Variants in CD46 observed in about 807,000 individuals in gnomAD.
The protein encoded by CD46 is membrane cofactor protein.
In CD46, 30 loss-of-function variants were observed where a neutral mutation model predicts 53.3. The ratio of observed to expected loss-of-function variants is 0.56; its 90% CI spans 0.42 to 0.76. CD46 has a LOEUF of 0.76. Among genes scored for constraint, CD46 ranks in the 30% least tolerant of loss-of-function variants. The pLI is 0.00. For missense variants in CD46, 409 were observed against 463.0 expected (o/e 0.88, Z 1.07); for synonymous variants, 142 against 152.0 (o/e 0.93, Z 0.48).
rs1311961055 is a variant in CD46, at chr1:207,793,574, G to T, written c.*97G>T. ...TTACCAGACTAAATCAACCACTCCA[G>T]CAGAGCAGAGAGGCTGAATAGATTC... On this transcript the variant is annotated 3_prime_UTR_variant, in exon 13 of 13. Transcript: ENST00000367042. 4.3e-6 allele frequency: 7 copies of T among 1,613,780 alleles called. No individual in the cohort carries two copies. Among genetic ancestry groups the T allele is most frequent in the Non-Finnish European group, 5.9e-6 (7 of 1,179,810 alleles).
intron 5 of CD46, among the ~76,000 whole-genome samples, chr1:207,764,166 C>T (rs1656578323): frequency 6.6e-6 from 1 of 152,150 alleles, no homozygotes; most frequent in South Asian, 2.1e-4. Flanking sequence ...GGGAGGCTTC[C>T]TGTCAGGTTC....
Position 207,757,633 on chromosome 1 carries a change from G to T in CD46, c.380G>T (p.Cys127Phe). Residue 127 changes from cysteine (C) to phenylalanine (F), a missense_variant, in exon 3 of 13, where the codon TGT becomes TTT. By Grantham distance (205) the Cys-to-Phe change is radical. Transcript: ENST00000367042. ...YEFGYQMHFICNEGYYLIGEE... is the reference protein window; with the variant it reads ...YEFGYQMHFIFNEGYYLIGEE... Reference sequence around the variant, plus strand: ...TTTGGTTATCAGATGCACTTTATTTGTAATGAGGGGTAAGTTGCTCCTTAG... The same window carrying T: ...TTTGGTTATCAGATGCACTTTATTTTTAATGAGGGGTAAGTTGCTCCTTAG... The T allele has an allele frequency of 6.3e-7, 1 of 1,592,626 alleles. No individual in the cohort carries two copies. The highest frequency in any genetic ancestry group is 8.6e-7 in the Non-Finnish European group (1 of 1,162,302).
chr1:207,791,767 T>C (rs1261093310), intron 12 of CD46, among the ~76,000 whole-genome samples: 2 of 152,202 alleles, frequency 1.3e-5, no homozygotes, highest in Non-Finnish European at 2.9e-5. Context: ...GTTTTTAGAC[T>C]CTCTCTGAGC....
intron 8 of CD46, among the ~76,000 whole-genome samples, chr1:207,778,060 G>A (rs781697551): frequency 3.9e-4 from 59 of 152,190 alleles, no homozygotes; most frequent in Non-Finnish European, 5.9e-4. Flanking sequence ...CTTTTCTTCT[G>A]TATGTTTTTT....
chr1:207,771,383 A>G (rs1456848228), intron 8 of CD46, among the ~76,000 whole-genome samples: 1 of 152,166 alleles, frequency 6.6e-6, no homozygotes, highest in Non-Finnish European at 1.5e-5. Flanking sequence ...TTTGCTGTGC[A>G]GAAGCTCTTT....
intron 8 of CD46, among the ~76,000 whole-genome samples, chr1:207,779,444 T>G (rs915884098): frequency 5.3e-5 from 8 of 152,170 alleles, no homozygotes; most frequent in Non-Finnish European, 7.4e-5. Flanking sequence ...TTTAGATTTA[T>G]TCTCATACTT....
intron 8 of CD46, among the ~76,000 whole-genome samples, chr1:207,779,319 C>T (rs1471407474): frequency 6.6e-6 from 1 of 151,960 alleles, no homozygotes; most frequent in East Asian, 1.9e-4. Flanking sequence ...CATCAACATA[C>T]TTTTATGTGT....
At chr1:207,754,710 A>G (rs1443340654) in intron 1 of CD46, among the ~76,000 whole-genome samples, 4 of 152,144 alleles carry the variant, frequency 2.6e-5, no homozygotes, top group Non-Finnish European at 4.4e-5. Context: ...GGCAGCTGAG[A>G]GCCAGAAAGG....
rs1655115348 is a variant in CD46 at position 207,753,144 on chromosome 1, C to G, written c.97+835C>G. Among the ~76,000 whole-genome samples the G allele has an allele frequency of 2.6e-5, 4 of 152,218 alleles. 1 individual carries two copies. In the South Asian group the frequency reaches 6.2e-4, roughly 24 times the overall value. On this transcript the variant is annotated intron_variant, in intron 1 of 12. Coordinates refer to ENST00000367042, the MANE Select transcript of CD46 (RefSeq NM_172351.3). ...ATATAGATAGTATCTGATTCCATTG[C>G]CTAATGGCTTTTTGACATTGTTTTC...
At chr1:207,758,638 G>A (rs527791885) in intron 3 of CD46, among the ~76,000 whole-genome samples, 2 of 152,220 alleles carry the variant, frequency 1.3e-5, no homozygotes, top group Admixed American at 6.5e-5. Context: ...ATGAGTTTTG[G>A]TAGAGACAAA....
chr1:207,767,339 T>A, intron 6 of CD46, 144 bp downstream of exon 6: 1 of 795,930 alleles, frequency 1.3e-6, no homozygotes, highest in South Asian at 1.6e-5. Flanking sequence ...TTGTATTCAT[T>A]TCTATGCCAG....
At chr1:207,784,932 G>T in intron 9 of CD46, 139 bp from the exon 10 acceptor site, 1 of 730,390 alleles carries the variant, frequency 1.4e-6, no homozygotes, top group Admixed American at 2.0e-5. Flanking sequence ...AACACGTGGG[G>T]ATTATGGGAA....
In CD46 at chr1:207,753,442, G is replaced by A. The variant is rs1185913187; in HGVS notation, c.97+1133G>A. 2.0e-5 allele frequency among the ~76,000 whole-genome samples: 3 copies of A among 152,222 alleles called. No homozygotes were observed. In the East Asian group the frequency reaches 5.8e-4, roughly 29 times the overall value. Reference sequence around the variant, plus strand: ...CCCAGCGCTTTGGGAGGCCCAGGCGGGGTGATTGCCTGTGCCCAGGAGTTC... The same window carrying A: ...CCCAGCGCTTTGGGAGGCCCAGGCGAGGTGATTGCCTGTGCCCAGGAGTTC... On this transcript the variant is annotated intron_variant, in intron 1 of 12. Transcript: ENST00000367042.
Position 207,752,229 on chromosome 1 carries a change from G to C in CD46, c.17G>C (p.Arg6Pro). 6.2e-7 allele frequency: 1 copy of C among 1,613,966 alleles called. No homozygotes were observed. Among genetic ancestry groups the C allele is most frequent in the Non-Finnish European group, 8.5e-7 (1 of 1,180,004 alleles). The change falls in exon 1 of 13, where the codon CGC becomes CCC. Residue 6 changes from arginine (R) to proline (P), a missense_variant. Transcript: ENST00000367042. The surrounding 1 kb of genome is among the most constrained non-coding windows in gnomAD (Gnocchi z 4.1). MEPPG[R>P]RECPFPSWRF... The stretch of plus-strand genomic sequence containing the variant: ...GCGCCGCGCATGGAGCCTCCCGGCC[G>C]CCGCGAGTGTCCCTTTCCTTCCTGG...
intron 10 of CD46, among the ~76,000 whole-genome samples, chr1:207,785,335 A>G (rs1292537621): frequency 6.6e-6 from 1 of 152,212 alleles, no homozygotes; most frequent in Non-Finnish European, 1.5e-5. Context: ...TAAGTAATAC[A>G]TATTTTCTCA....
intron 5 of CD46, among the ~76,000 whole-genome samples, chr1:207,761,757 T>C (rs1656249126): frequency 6.6e-6 from 1 of 151,866 alleles, no homozygotes; most frequent in Admixed American, 6.6e-5. Flanking sequence ...GAAAGTTTCA[T>C]CTTGTATTAC....
chr1:207,788,953 G>A (rs927439248), intron 11 of CD46, among the ~76,000 whole-genome samples: 2 of 152,132 alleles, frequency 1.3e-5, no homozygotes, highest in African/African-American at 2.4e-5. Context: ...CAGTGGGTCC[G>A]AAACAGGTCC....
chr1:207,757,582 C>T lies in CD46; in HGVS notation c.329C>T (p.Ala110Val). The T allele has an allele frequency of 6.2e-7, 1 of 1,611,252 alleles. No individual in the cohort carries two copies. Among genetic ancestry groups the T allele is most frequent in the Non-Finnish European group, 8.5e-7 (1 of 1,178,148 alleles). ...ATACGGGATCCTTTAAATGGCCAAG[C>T]AGTCCCTGCAAATGGGACTTACGAG... ...PYIRDPLNGQ[A>V]VPANGTYEFG... Residue 110 changes from alanine to valine, a missense_variant, in exon 3 of 13, where the codon GCA becomes GTA. Physicochemically the swap from Ala to Val is moderately conservative, Grantham distance 64 (BLOSUM62 0). Transcript: ENST00000367042.
intron 5 of CD46, among the ~76,000 whole-genome samples, chr1:207,766,698 T>G (rs1196325486): frequency 6.6e-6 from 1 of 151,926 alleles, no homozygotes; most frequent in Non-Finnish European, 1.5e-5. Flanking sequence ...AAGCAGCCAG[T>G]GAGTGGGGAA....
Sources: gnomAD v4.1 joint callset for allele counts (sites outside exome capture counted in the v4.1 genomes callset) on GRCh38, gnomAD v4.1.1 for gene constraint, Gnocchi (gnomAD v3.1) non-coding constraint, MANE v1.5 for transcripts, NCBI Gene and HGNC (gene_info 2026-07-23, HGNC 2026-07-21) for gene names.